Variants in WWOX observed in about 807,000 individuals in gnomAD.
WWOX encodes WW domain containing oxidoreductase.
In WWOX, 69 loss-of-function variants were observed where a neutral mutation model predicts 46.2. The observed-to-expected ratio is 1.49, with a 90% CI of 1.23 to 1.82. The LOEUF is 1.82. Ranked by LOEUF, WWOX falls within the 40% of genes most tolerant of loss-of-function variation. WWOX has a pLI of 0.00. For missense variants in WWOX, 919 were observed against 542.6 expected, an observed-to-expected ratio of 1.69 and a Z score of -6.89; for synonymous variants, 359 against 202.6, an observed-to-expected ratio of 1.77 and a Z score of -6.56.
At chr16:78,772,066 G>T (rs2050077774) in intron 8 of WWOX, among the ~76,000 whole-genome samples, 1 of 152,068 alleles carries the variant, frequency 6.6e-6, no homozygotes, top group African/African-American at 2.4e-5. Flanking sequence ...TTTGGGTTCA[G>T]GGGTACATGT....
At chr16:79,045,781 T>TTTC in intron 8 of WWOX, among the ~76,000 whole-genome samples, 9 of 4,188 alleles carry the variant, frequency 2.1e-3, no homozygotes, top group African/African-American at 9.7e-3. Flanking sequence ...TTTCTTTTCC[T>TTTC]TTTTTTTTTT....
intron 7 of WWOX, among the ~76,000 whole-genome samples, chr16:78,430,396 C>G (rs1381015704): frequency 6.6e-6 from 1 of 152,092 alleles, no homozygotes; most frequent in Non-Finnish European, 1.5e-5. Flanking sequence ...TTTATTCATT[C>G]TACATGTAAA....
intron 8 of WWOX, among the ~76,000 whole-genome samples, chr16:78,669,011 C>T: frequency 6.6e-6 from 1 of 152,284 alleles, no homozygotes; most frequent in South Asian, 2.1e-4. Flanking sequence ...TTGAGGTTGA[C>T]CTTCAGAACG....
At chr16:79,110,985 C>G (rs1335353353) in intron 8 of WWOX, 1 of 152,242 alleles carries the variant, frequency 6.6e-6, no homozygotes, top group African/African-American at 2.4e-5. Flanking sequence ...TTCCCCCTTC[C>G]ATTCCCACCC....
chr16:79,045,780 CTTTTTTTTTTTTTTTTTTTTTTTT>C (rs770463813), intron 8 of WWOX, among the ~76,000 whole-genome samples: 7 of 54,232 alleles, frequency 1.3e-4, no homozygotes, highest in African/African-American at 1.6e-4. Context: ...TTTTCTTTTC[CTTTTTTTTTTTTTTTTTTTTTTTT>C]TTTTTTTTTT....
chr16:78,729,784 G>T (rs898742507), intron 8 of WWOX, among the ~76,000 whole-genome samples: 2 of 152,152 alleles, frequency 1.3e-5, no homozygotes, highest in Non-Finnish European at 2.9e-5. Context: ...CAGCTGCTAA[G>T]GGTCAGAAAC....
intron 8 of WWOX, among the ~76,000 whole-genome samples, chr16:78,818,027 G>C (rs6564597): frequency 0.86 from 130,674 of 152,154 alleles, 56,552 homozygotes; most frequent in African/African-American, 0.96. Context: ...GACTGAGATG[G>C]AGTCCAGCAA....
At chr16:79,141,652 G>A (rs146717163) in intron 8 of WWOX, among the ~76,000 whole-genome samples, 37 of 152,322 alleles carry the variant, frequency 2.4e-4, no homozygotes, top group African/African-American at 8.9e-4. Context: ...ACAGTTTCTT[G>A]TTCATATTTG....
chr16:78,170,238 A>G (rs923395574), intron 5 of WWOX, among the ~76,000 whole-genome samples: 1 of 152,172 alleles, frequency 6.6e-6, no homozygotes, highest in Non-Finnish European at 1.5e-5. Context: ...AAAGATTAGA[A>G]TCAGATACAT....
chr16:78,847,599 G>A (rs2052334254), intron 8 of WWOX, among the ~76,000 whole-genome samples: 1 of 151,928 alleles, frequency 6.6e-6, no homozygotes, highest in Non-Finnish European at 1.5e-5. Flanking sequence ...TTCCCTAAGT[G>A]TTGGGATTAC....
At chr16:78,690,182 C>T (rs72796643) in intron 8 of WWOX, among the ~76,000 whole-genome samples, 1 of 151,704 alleles carries the variant, frequency 6.6e-6, no homozygotes, top group East Asian at 1.9e-4. Flanking sequence ...TTAACAACCC[C>T]CCCTCCACAC....
chr16:78,698,567 G>T (rs76850613), intron 8 of WWOX, among the ~76,000 whole-genome samples: 1,649 of 152,244 alleles, frequency 0.011, 19 homozygotes, highest in South Asian at 0.034. Flanking sequence ...TTTAGGTACA[G>T]ACCTTAAAAA....
rs774553549 is a variant in WWOX at position 78,115,859 on chromosome 16, G to C, written c.409+705G>C. ...AACCACCTGCTTTGAGTTTAGATAT[G>C]CATCTTCAGATTTGTCGACATATGA... On this transcript the variant is annotated intron_variant, in intron 4 of 8. Transcript: ENST00000566780. Among the ~76,000 whole-genome samples the C allele has an allele frequency of 9.5e-4, 144 of 152,114 alleles. 3 individuals are homozygous for C. Among genetic ancestry groups the C allele is most frequent in the Non-Finnish European group, 3.5e-4 (24 of 68,018 alleles).
chr16:79,171,133 G>A (rs1856291994), intron 8 of WWOX, among the ~76,000 whole-genome samples: 1 of 152,190 alleles, frequency 6.6e-6, no homozygotes, highest in African/African-American at 2.4e-5. Flanking sequence ...TGGAATGCTT[G>A]CAGGAGTTGC....
At chr16:78,371,933 C>G (rs928488922) in intron 5 of WWOX, among the ~76,000 whole-genome samples, 6 of 152,144 alleles carry the variant, frequency 3.9e-5, no homozygotes, top group Admixed American at 2.0e-4. Flanking sequence ...TTATTTCCAG[C>G]TTATGTAACA....
At chr16:78,640,557 C>A (rs557906479) in intron 8 of WWOX, among the ~76,000 whole-genome samples, 1 of 152,130 alleles carries the variant, frequency 6.6e-6, no homozygotes, top group Non-Finnish European at 1.5e-5. Flanking sequence ...ATACGTTGAT[C>A]TGTACAGCAA....
At chr16:78,201,185 C>T (rs1162857668) in intron 5 of WWOX, among the ~76,000 whole-genome samples, 1 of 152,188 alleles carries the variant, frequency 6.6e-6, no homozygotes, top group Non-Finnish European at 1.5e-5. Context: ...TATTCCTTTT[C>T]TTCTGTGATC....
chr16:79,101,715 C>G (rs1051121419), intron 8 of WWOX: 7 of 149,720 alleles, frequency 4.7e-5, no homozygotes, highest in African/African-American at 1.2e-4. Flanking sequence ...TTCTCATCCT[C>G]TCTCTCTTTC....
chr16:78,982,541 A>G (rs959025081), intron 8 of WWOX, among the ~76,000 whole-genome samples: 3 of 152,328 alleles, frequency 2.0e-5, no homozygotes, highest in Admixed American at 2.0e-4. Context: ...AGATTCCCAC[A>G]GTGAGTAGAG....
Sources: gnomAD v4.1 joint callset for allele counts (sites outside exome capture counted in the v4.1 genomes callset) on GRCh38, gnomAD v4.1.1 for gene constraint, MANE v1.5 for transcripts, NCBI Gene and HGNC (gene_info 2026-07-23, HGNC 2026-07-21) for gene names.